Variants in ARL15 observed in about 807,000 individuals in gnomAD.
The protein encoded by ARL15 is ARF like GTPase 15, also known as ADP-ribosylation factor-like protein 15.
In ARL15, 19 loss-of-function variants were observed where a neutral mutation model predicts 25.2. The observed-to-expected ratio is 0.75, with a 90% confidence interval of 0.53 to 1.10. The LOEUF is 1.10. Ranked by LOEUF, ARL15 falls within the 50% of genes least tolerant of loss-of-function variation. The pLI is 0.00. For synonymous variants in ARL15, 94 were observed against 86.8 expected (o/e 1.08, Z -0.46); for missense variants, 220 against 246.0 (o/e 0.89, Z 0.71).
chr5:54,280,561 G>C lies in ARL15; in HGVS notation c.48+29871C>G, dbSNP rs74402143. Reference sequence around the variant, plus strand: ...AGACGTTGTGCAAGGTATTGTAAAGGCTATAAAGACAAACACAAGATAGAC... The same window carrying C: ...AGACGTTGTGCAAGGTATTGTAAAGCCTATAAAGACAAACACAAGATAGAC... On this transcript the variant is annotated intron_variant, in intron 1 of 4. Coordinates refer to ENST00000504924, the MANE Select transcript of ARL15 (RefSeq NM_019087.3). Among the ~76,000 whole-genome samples the C allele has an allele frequency of 3.8e-3, 573 of 152,288 alleles. 1 individual carries two copies. The highest frequency in any genetic ancestry group is 0.013 in the African/African-American group (537 of 41,546).
chr5:54,286,958 T>A (rs527315157), intron 1 of ARL15, among the ~76,000 whole-genome samples: 12 of 150,810 alleles, frequency 8.0e-5, no homozygotes, highest in African/African-American at 2.7e-4. Flanking sequence ...TGCCTGGACC[T>A]CCTGTCCAGG....
rs376760408 is a variant in ARL15, at chr5:53,964,567, A to T, written c.463-77854T>A. On this transcript the variant is annotated intron_variant, in intron 4 of 4. Coordinates refer to ENST00000504924, the MANE Select transcript of ARL15 (RefSeq NM_019087.3). ...AGTAGAGACGGGGCTTCACCGTGTT[A>T]GCCAGGATGGTCTTGATCTCCTGAC... Among the ~76,000 whole-genome samples, 7 of 152,038 alleles carry T rather than the reference A, an allele frequency of 4.6e-5. No individual in the cohort carries two copies. The East Asian group carries it at 5.8e-4, about 13-fold the overall frequency.
chr5:53,912,522 C>T (rs1426294190), intron 4 of ARL15, among the ~76,000 whole-genome samples: 2 of 152,188 alleles, frequency 1.3e-5, no homozygotes, highest in East Asian at 3.8e-4. Flanking sequence ...GCAGCTACTC[C>T]TTGAGAGTAT....
At chr5:54,006,760 A>G (rs2111757087) in intron 4 of ARL15, among the ~76,000 whole-genome samples, 1 of 152,200 alleles carries the variant, frequency 6.6e-6, no homozygotes, top group South Asian at 2.1e-4. Context: ...TACCTTTTGA[A>G]TTTTGTACCA....
intron 4 of ARL15, among the ~76,000 whole-genome samples, chr5:53,975,146 T>C (rs560037992): frequency 6.6e-6 from 1 of 152,312 alleles, no homozygotes; most frequent in South Asian, 2.1e-4. Flanking sequence ...AACCTCAGTC[T>C]TTCCTCCTTC....
At chr5:53,995,663 T>A (rs1748645904) in intron 4 of ARL15, among the ~76,000 whole-genome samples, 1 of 152,202 alleles carries the variant, frequency 6.6e-6, no homozygotes, top group Non-Finnish European at 1.5e-5. Flanking sequence ...TACATTTTCA[T>A]TAAAATGCTC....
intron 2 of ARL15, among the ~76,000 whole-genome samples, chr5:54,160,128 G>A (rs1365820463): frequency 6.6e-6 from 1 of 152,168 alleles, no homozygotes; most frequent in Non-Finnish European, 1.5e-5. Flanking sequence ...CATGATTTAT[G>A]CCACAGCAGT....
chr5:53,886,789 A>G (rs1026003901), intron 4 of ARL15, 76 bp from the exon 5 acceptor site: 76 of 1,366,656 alleles, frequency 5.6e-5, no homozygotes, highest in Non-Finnish European at 7.4e-5. Context: ...TCTGAGGGAT[A>G]AAGTAGGGGA....
intron 4 of ARL15, among the ~76,000 whole-genome samples, chr5:53,890,972 G>T (rs999032257): frequency 1.3e-5 from 2 of 152,104 alleles, no homozygotes; most frequent in Non-Finnish European, 2.9e-5. Flanking sequence ...CTCTAACGGG[G>T]CAGTGATGCT....
rs920026388 is a variant in ARL15, at chr5:54,035,703, T to C, written c.462+77499A>G. Among the ~76,000 whole-genome samples, 42 of 152,312 alleles carry C rather than the reference T, an allele frequency of 2.8e-4. 1 individual carries two copies. Among genetic ancestry groups the C allele is most frequent in the Non-Finnish European group, 1.3e-4 (9 of 68,028 alleles). On this transcript the variant is annotated intron_variant, in intron 4 of 4. Coordinates refer to ENST00000504924, the MANE Select transcript of ARL15 (RefSeq NM_019087.3). ...CCCACTTTTAAATATGAGAGCTATT[T>C]CCAATGCAGTGTCTATTTCCAATAC...
chr5:54,131,334 T>C (rs998590896), intron 3 of ARL15, among the ~76,000 whole-genome samples: 1 of 152,144 alleles, frequency 6.6e-6, no homozygotes, highest in Non-Finnish European at 1.5e-5. Flanking sequence ...ACTGCTCGTG[T>C]TTTCCCCTTA....
intron 1 of ARL15, among the ~76,000 whole-genome samples, chr5:54,268,087 C>T (rs575852515): frequency 5.5e-4 from 84 of 152,000 alleles, no homozygotes; most frequent in African/African-American, 1.9e-3. Flanking sequence ...CCATTCTCCC[C>T]GTCACTTTCA....
intron 4 of ARL15, among the ~76,000 whole-genome samples, chr5:53,981,103 G>A (rs551133577): frequency 3.3e-5 from 5 of 152,218 alleles, no homozygotes; most frequent in South Asian, 4.1e-4. Context: ...ACTTCAGAAC[G>A]AACCCCGGTT....
intron 3 of ARL15, among the ~76,000 whole-genome samples, chr5:54,129,418 A>AAG (rs1753366840): frequency 6.6e-6 from 1 of 152,176 alleles, no homozygotes; most frequent in Admixed American, 6.5e-5. Context: ...TGGGTGATGG[A>AAG]AGAGAGAGAG....
intron 1 of ARL15, among the ~76,000 whole-genome samples, chr5:54,257,145 C>T (rs1402160810): frequency 6.6e-6 from 1 of 151,714 alleles, no homozygotes; most frequent in East Asian, 2.0e-4. Flanking sequence ...AAGACGATGT[C>T]AAACTCTCTC....
intron 1 of ARL15, among the ~76,000 whole-genome samples, chr5:54,264,718 C>G (rs933578651): frequency 6.6e-6 from 1 of 152,078 alleles, no homozygotes; most frequent in Non-Finnish European, 1.5e-5. Flanking sequence ...AACATTCTTC[C>G]CTACATATCC....
At chr5:53,932,995 A>G (rs1746238909) in intron 4 of ARL15, among the ~76,000 whole-genome samples, 3 of 152,248 alleles carry the variant, frequency 2.0e-5, no homozygotes, top group Admixed American at 1.3e-4. Flanking sequence ...TCATATAAGC[A>G]TGAAAATGTA....
chr5:53,942,120 C>T lies in ARL15; in HGVS notation c.463-55407G>A, dbSNP rs904839060. On this transcript the variant is annotated intron_variant, in intron 4 of 4. Transcript: ENST00000504924. The stretch of plus-strand genomic sequence containing the variant: ...GACTAGGGTGGTAATACTGTAGGTT[C>T]AGGATATATTTTGAAGATAAAGGCA... Among the ~76,000 whole-genome samples the T allele has an allele frequency of 7.8e-4, 119 of 151,900 alleles. 9 individuals carry two copies. Among genetic ancestry groups the T allele is most frequent in the Non-Finnish European group, 2.9e-5 (2 of 68,020 alleles).
chr5:54,080,884 C>T (rs1488844043), intron 4 of ARL15, among the ~76,000 whole-genome samples: 2 of 152,150 alleles, frequency 1.3e-5, no homozygotes. Flanking sequence ...AGGAAGTCCA[C>T]GATCAAGACG....
Sources: gnomAD v4.1 joint callset for allele counts (sites outside exome capture counted in the v4.1 genomes callset) on GRCh38, gnomAD v4.1.1 for gene constraint, MANE v1.5 for transcripts, NCBI Gene and HGNC (gene_info 2026-07-23, HGNC 2026-07-21) for gene names.